The following TAF3 variants were observed in gnomAD, a reference collection of about 807,000 sequenced individuals.
TAF3 encodes the protein transcription initiation factor TFIID subunit 3.
TAF3 carries 7 observed loss-of-function variants against 80.6 expected under a neutral mutation model. The observed-to-expected ratio is 0.09, with a 90% CI of 0.05 to 0.16. The LOEUF (loss-of-function observed/expected upper bound fraction) is 0.16. Among genes scored for constraint, TAF3 ranks in the 10% least tolerant of loss-of-function variants. The pLI is 1.00. For synonymous variants in TAF3, 444 were observed against 446.1 expected (o/e 1.00, Z 0.06); for missense variants, 921 against 1,140.2 (o/e 0.81, Z 2.77).
intron 2 of TAF3, among the ~76,000 whole-genome samples, chr10:7,855,896 A>C (rs1321026600): frequency 2.0e-5 from 3 of 151,752 alleles, no homozygotes; most frequent in Non-Finnish European, 4.4e-5. Context: ...CTGCCTGGCC[A>C]ATATAGCGAG....
rs1284702145 is a variant in TAF3, at chr10:7,920,571, C to T, written c.410-43349C>T. 2.0e-5 allele frequency among the ~76,000 whole-genome samples: 3 copies of T among 152,106 alleles called. No homozygotes were observed. In the East Asian group the frequency reaches 5.8e-4, roughly 29 times the overall value. ...AGAAAATAATCTTCTGGTATCTATT[C>T]TGTATTATTCACAGAAACAGTTTCT... On this transcript the variant is annotated intron_variant, in intron 2 of 6. Coordinates refer to ENST00000344293, the MANE Select transcript of TAF3 (RefSeq NM_031923.4).
chr10:7,915,642 CAA>C (rs546868294), intron 2 of TAF3, among the ~76,000 whole-genome samples: 21 of 78,012 alleles, frequency 2.7e-4, no homozygotes, highest in African/African-American at 4.6e-4. Context: ...AACTCCGTCT[CAA>C]AAAAAAAAAA....
intron 2 of TAF3, among the ~76,000 whole-genome samples, chr10:7,849,577 C>G (rs1166727106): frequency 6.6e-6 from 1 of 152,062 alleles, no homozygotes; most frequent in Non-Finnish European, 1.5e-5. Context: ...AATTAAACTT[C>G]ATTTAGTATT....
chr10:7,913,043 T>C (rs4747629), intron 2 of TAF3, among the ~76,000 whole-genome samples: 83,359 of 151,988 alleles, frequency 0.55, 24,547 homozygotes, highest in East Asian at 0.72. Context: ...TTTCCTCGGC[T>C]TGCAGGTGGG....
At chr10:7,935,859 C>T (rs1837914589) in intron 2 of TAF3, among the ~76,000 whole-genome samples, 1 of 152,034 alleles carries the variant, frequency 6.6e-6, no homozygotes, top group African/African-American at 2.4e-5. Context: ...ATAAAAATGG[C>T]CTAGTACAGA....
At chr10:7,968,696 T>G (rs1316883392) in intron 3 of TAF3, among the ~76,000 whole-genome samples, 1 of 152,172 alleles carries the variant, frequency 6.6e-6, no homozygotes, top group African/African-American at 2.4e-5. Flanking sequence ...TTAGAGAGAT[T>G]AGTAGACTTG....
intron 2 of TAF3, among the ~76,000 whole-genome samples, chr10:7,888,065 G>A (rs986558785): frequency 1.3e-5 from 2 of 152,102 alleles, no homozygotes; most frequent in African/African-American, 4.8e-5. Context: ...GCAGCCAGCC[G>A]TCAACTCTCA....
chr10:7,871,288 A>T (rs1442816456), intron 2 of TAF3, among the ~76,000 whole-genome samples: 1 of 152,082 alleles, frequency 6.6e-6, no homozygotes, highest in Non-Finnish European at 1.5e-5. Flanking sequence ...CATTATTGAG[A>T]TCTGTGTGCT....
chr10:7,903,954 G>T (rs574581259), intron 2 of TAF3, among the ~76,000 whole-genome samples: 1 of 152,140 alleles, frequency 6.6e-6, no homozygotes, highest in Non-Finnish European at 1.5e-5. Context: ...TTACGGTATT[G>T]TAGGTATCTG....
rs778770145 is a variant in TAF3, at chr10:8,009,346, C to T, written c.2568+16C>T. On this transcript the variant is annotated intron_variant, in intron 5 of 6. Coordinates refer to ENST00000344293, the MANE Select transcript of TAF3 (RefSeq NM_031923.4). This position sits in a 1 kb window ranked among gnomAD's most constrained non-coding sequence, Gnocchi z 4.1. The stretch of plus-strand genomic sequence containing the variant: ...CACCTACGTGGTGCGTACCTGCCGC[C>T]CGCGCGGTTAGCATGGAGACGTTTT... 9.7e-5 allele frequency: 154 copies of T among 1,586,402 alleles called. 1 individual carries two copies. In the Admixed American group the frequency reaches 2.6e-3, roughly 27 times the overall value.
intron 3 of TAF3, among the ~76,000 whole-genome samples, chr10:7,976,413 ATTTTTTTT>A (rs1220558314): frequency 7.8e-6 from 1 of 128,656 alleles, no homozygotes; most frequent in Non-Finnish European, 1.7e-5. Context: ...TGACTGGCTA[ATTTTTTTT>A]TTTTTTTTTT....
chr10:7,904,766 T>C (rs1837591795), intron 2 of TAF3, among the ~76,000 whole-genome samples: 1 of 151,848 alleles, frequency 6.6e-6, no homozygotes, highest in Non-Finnish European at 1.5e-5. Context: ...GTTACCAGCA[T>C]TTGAAACTTG....
chr10:8,010,962 G>A (rs773966776), intron 5 of TAF3, among the ~76,000 whole-genome samples: 1 of 152,118 alleles, frequency 6.6e-6, no homozygotes, highest in Non-Finnish European at 1.5e-5. Flanking sequence ...ACATTGTTCT[G>A]GGACTGTTTT....
chr10:7,968,657 A>G (rs1366893040), intron 3 of TAF3, among the ~76,000 whole-genome samples: 1 of 152,214 alleles, frequency 6.6e-6, no homozygotes, highest in Non-Finnish European at 1.5e-5. Context: ...TGCTGTAATT[A>G]TTATCACTTT....
chr10:7,936,712 A>T (rs1001239748), intron 2 of TAF3, among the ~76,000 whole-genome samples: 16 of 152,170 alleles, frequency 1.1e-4, no homozygotes, highest in African/African-American at 3.9e-4. Context: ...AGTTTACATT[A>T]GGGGTTGCTC....
intron 3 of TAF3, among the ~76,000 whole-genome samples, chr10:7,968,814 T>C (rs940956487): frequency 6.6e-6 from 1 of 152,198 alleles, no homozygotes; most frequent in Non-Finnish European, 1.5e-5. Flanking sequence ...CTATATTATG[T>C]TAAAATGGGA....
intron 2 of TAF3, among the ~76,000 whole-genome samples, chr10:7,918,477 A>T (rs1837732847): frequency 6.6e-6 from 1 of 152,042 alleles, no homozygotes; most frequent in African/African-American, 2.4e-5. Flanking sequence ...GGAGGGAGAG[A>T]CTGTGAGCTA....
At chr10:7,895,760 C>T (rs1837498740) in intron 2 of TAF3, among the ~76,000 whole-genome samples, 1 of 152,126 alleles carries the variant, frequency 6.6e-6, no homozygotes, top group Non-Finnish European at 1.5e-5. Flanking sequence ...GCTTTCTCAT[C>T]TACAAAATGA....
intron 2 of TAF3, among the ~76,000 whole-genome samples, chr10:7,961,147 A>T (rs1349407261): frequency 6.6e-6 from 1 of 152,204 alleles, no homozygotes; most frequent in African/African-American, 2.4e-5. Flanking sequence ...TATTGATATT[A>T]ACAAGACAGA....
Sources: allele counts gnomAD v4.1 joint callset (sites outside exome capture counted in the v4.1 genomes callset), GRCh38; gene constraint gnomAD v4.1.1; non-coding constraint Gnocchi (gnomAD v3.1); transcripts MANE v1.5; gene names NCBI Gene and HGNC (gene_info 2026-07-23, HGNC 2026-07-21).